Variants in ANK2 observed in about 807,000 individuals in gnomAD.
ANK2 encodes the protein ankyrin 2, also known as ankyrin-2.
Under a neutral mutation model 360.5 loss-of-function variants are expected in ANK2, and 83 were observed. The ratio of observed to expected loss-of-function variants is 0.23; its 90% CI spans 0.19 to 0.28. The LOEUF is 0.28. ANK2 is among the 10% of genes least tolerant of loss of function. The pLI is 1.00. For synonymous variants in ANK2, 1,740 were observed against 1,759.5 expected (o/e 0.99, Z 0.28); for missense variants, 4,201 against 4,795.7 (o/e 0.88, Z 3.66).
chr4:112,869,427 G>A (rs889808318), intron 1 of ANK2, among the ~76,000 whole-genome samples: 1 of 152,056 alleles, frequency 6.6e-6, no homozygotes, highest in African/African-American at 2.4e-5. Flanking sequence ...ACAAGTGCAT[G>A]CCACCACACC....
rs377154409 is a variant in ANK2, at chr4:113,354,529, A to G, written c.5911A>G (p.Lys1971Glu). Residue 1971 changes from lysine (K) to glutamate (E), a missense_variant, in exon 38 of 46, where the codon AAG becomes GAG. This residue lies in a region of ANK2 where 2,642 missense variants were observed against 2,714.5 expected (regional missense o/e 0.97). Transcript: ENST00000357077. ...TGTGTCACCTTCTGGCAAAACAGAAAAGCAACCACCTGTATCCCCCACTTC... is the reference window on the plus strand; with the variant it reads ...TGTGTCACCTTCTGGCAAAACAGAAGAGCAACCACCTGTATCCCCCACTTC... ...LPVSPSGKTE[K>E]QPPVSPTSKT... is the part of the protein sequence containing the mutation. 26 of 1,614,034 alleles carry G rather than the reference A, an allele frequency of 1.6e-5. No homozygotes were observed. Among genetic ancestry groups the G allele is most frequent in the Non-Finnish European group, 2.2e-5 (26 of 1,180,012 alleles).
chr4:112,764,626 G>A, the ANK2 span, among the ~76,000 whole-genome samples: 1 of 151,804 alleles, frequency 6.6e-6, no homozygotes, highest in African/African-American at 2.4e-5. Flanking sequence ...ACAGGTGTGA[G>A]CCACCGTACC....
At chr4:113,027,934 A>G (rs966414703) in intron 2 of ANK2, among the ~76,000 whole-genome samples, 8 of 152,086 alleles carry the variant, frequency 5.3e-5, no homozygotes, top group South Asian at 2.1e-4. Flanking sequence ...GTTTACGTTA[A>G]AAATAGCAAA....
chr4:113,221,241 T>A (rs1202570382), intron 4 of ANK2, among the ~76,000 whole-genome samples: 1 of 152,136 alleles, frequency 6.6e-6, no homozygotes, highest in African/African-American at 2.4e-5. Context: ...GTAGAAATAG[T>A]GGTGAGACAA....
At position 113,379,262 on chromosome 4, in the gene ANK2, G is replaced by A. The variant is rs570342865; in HGVS notation, c.11860-2195G>A. Among the ~76,000 whole-genome samples, 18 of 152,164 alleles carry A rather than the reference G, an allele frequency of 1.2e-4. 1 individual carries two copies. The highest frequency in any genetic ancestry group is 4.3e-4 in the African/African-American group (18 of 41,528). On this transcript the variant is annotated intron_variant, in intron 45 of 45. Coordinates refer to ENST00000357077, the MANE Select transcript of ANK2 (RefSeq NM_001148.6). Reference sequence around the variant, plus strand: ...ATCCACGCATGCACTAACATCATGGGCTCTTCAAACAGGAATAGATTTAGA... The same window carrying A: ...ATCCACGCATGCACTAACATCATGGACTCTTCAAACAGGAATAGATTTAGA...
intron 2 of ANK2, among the ~76,000 whole-genome samples, chr4:113,021,697 G>A (rs909444690): frequency 4.0e-5 from 6 of 150,976 alleles, no homozygotes; most frequent in African/African-American, 2.4e-5. Context: ...TATTTATTAC[G>A]CATTTATGAA....
chr4:112,861,083 G>C (rs1328051758), intron 1 of ANK2, among the ~76,000 whole-genome samples: 1 of 152,172 alleles, frequency 6.6e-6, no homozygotes, highest in South Asian at 2.1e-4. Flanking sequence ...ACTCTGATGC[G>C]GGGATATGCA....
At chr4:113,247,004 A>C (rs1372832428) in intron 9 of ANK2, among the ~76,000 whole-genome samples, 1 of 149,038 alleles carries the variant, frequency 6.7e-6, no homozygotes, top group Non-Finnish European at 1.5e-5. Flanking sequence ...ACTTCAGAAT[A>C]CATTGTTGAA....
chr4:112,719,810 G>C, the ANK2 span, among the ~76,000 whole-genome samples: 1 of 152,050 alleles, frequency 6.6e-6, no homozygotes. Context: ...AACAGAAGCT[G>C]GTGCTTGAAG....
intron 1 of ANK2, among the ~76,000 whole-genome samples, chr4:113,098,619 TATG>T (rs2092156964): frequency 6.6e-6 from 1 of 151,990 alleles, no homozygotes; most frequent in African/African-American, 2.4e-5. Flanking sequence ...TTAAGGAAGA[TATG>T]ATAACAATTC....
Position 113,317,802 on chromosome 4 carries a change from G to T in ANK2, c.2789G>T (p.Ser930Ile), listed in dbSNP as rs1033764497. 1 of 1,612,940 alleles carries T rather than the reference G, an allele frequency of 6.2e-7. No homozygotes were observed. The highest frequency in any genetic ancestry group is 8.5e-7 in the Non-Finnish European group (1 of 1,179,000). Residue 930 changes from serine (S) to isoleucine (I), a missense_variant, in exon 25 of 46, where the codon AGT becomes ATT. Transcript: ENST00000357077. Reference sequence around the variant, plus strand: ...ATGGATGACTCAGTTGTGATTCCCAGTCACCAGGTATGTGACATTTTGCCT... The same window carrying T: ...ATGGATGACTCAGTTGTGATTCCCATTCACCAGGTATGTGACATTTTGCCT... Reference protein sequence around the residue: ...AVMDDSVVIPSHQVSTLAKEA... With the variant: ...AVMDDSVVIPIHQVSTLAKEA...
intron 2 of ANK2, among the ~76,000 whole-genome samples, chr4:112,973,365 A>G (rs551844544): frequency 2.0e-5 from 3 of 152,176 alleles, no homozygotes; most frequent in Non-Finnish European, 4.4e-5. Context: ...GCAAATTAAG[A>G]TATACTAAGA....
rs542148040 is a variant in ANK2, at chr4:113,196,489, A to G, written c.285+23A>G. 6.6e-5 allele frequency: 105 copies of G among 1,586,940 alleles called. 1 individual carries two copies. In the South Asian group the frequency reaches 1.0e-3, roughly 15 times the overall value. On this transcript the variant is annotated intron_variant, in intron 3 of 45. Coordinates refer to ENST00000357077, the MANE Select transcript of ANK2 (RefSeq NM_001148.6). ...AAGGTAACATTTATGTTGGTAGAAC[A>G]TTTTTTTCCTTAGAAAAGCGAAAAT...
At chr4:113,096,142 A>G (rs624979) in intron 1 of ANK2, among the ~76,000 whole-genome samples, 124,658 of 152,150 alleles carry the variant, frequency 0.82, 51,652 homozygotes, top group African/African-American at 0.95. Flanking sequence ...TGTGACAGCA[A>G]CCAGCCTTTC....
At chr4:113,177,281 C>T (rs894180820) in intron 2 of ANK2, among the ~76,000 whole-genome samples, 1 of 151,984 alleles carries the variant, frequency 6.6e-6, no homozygotes. Flanking sequence ...GGGGTTTCAC[C>T]ATGTTAGCCA....
intron 1 of ANK2, among the ~76,000 whole-genome samples, chr4:113,096,047 C>T (rs183978045): frequency 6.6e-6 from 1 of 152,174 alleles, no homozygotes; most frequent in Non-Finnish European, 1.5e-5. Context: ...TAGCTGTGCT[C>T]CAGCGTCTTA....
the ANK2 span, among the ~76,000 whole-genome samples, chr4:112,780,441 A>T: frequency 6.6e-6 from 1 of 152,232 alleles, no homozygotes; most frequent in African/African-American, 2.4e-5. Flanking sequence ...ATGGTAGAAA[A>T]CAATTATAAT....
chr4:112,724,557 A>ACACACACG, the ANK2 span, among the ~76,000 whole-genome samples: 1 of 24,754 alleles, frequency 4.0e-5, no homozygotes, highest in African/African-American at 1.6e-4. Flanking sequence ...ACACACACAT[A>ACACACACG]CACACACACA....
intron 2 of ANK2, among the ~76,000 whole-genome samples, chr4:112,950,649 G>GAAAAAAA (rs55980674): frequency 3.3e-4 from 39 of 118,770 alleles, no homozygotes; most frequent in South Asian, 5.0e-4. Flanking sequence ...GTCTCAAAAA[G>GAAAAAAA]AAAAAAAAAA....
Sources: gnomAD v4.1 joint callset for allele counts (sites outside exome capture counted in the v4.1 genomes callset) on GRCh38, gnomAD v4.1.1 for gene constraint, gnomAD v4.1.1 regional missense constraint, MANE v1.5 for transcripts, NCBI Gene and HGNC (gene_info 2026-07-23, HGNC 2026-07-21) for gene names.